Variants in PCDH15 observed in about 807,000 individuals in gnomAD.
PCDH15 encodes protocadherin-15.
Under a neutral mutation model 178.5 loss-of-function variants are expected in PCDH15, and 129 were observed. The ratio of observed to expected loss-of-function variants is 0.72; its 90% CI spans 0.63 to 0.84. The LOEUF (loss-of-function observed/expected upper bound fraction) is 0.84. Among genes scored for constraint, PCDH15 ranks in the 40% least tolerant of loss-of-function variants. The probability of loss-of-function intolerance (pLI) is 0.00; values close to 1 mark genes in which losing one functional copy is unlikely to be tolerated. For synonymous variants in PCDH15, 800 were observed against 732.0 expected (o/e 1.09, Z -1.50); for missense variants, 2,230 against 2,099.9 (o/e 1.06, Z -1.21).
chr10:55,423,812 T>C, intron 2 of PCDH15, among the ~76,000 whole-genome samples: 1 of 152,162 alleles, frequency 6.6e-6, no homozygotes. Context: ...TGTTTTTATA[T>C]TCCAATAACT....
chr10:53,852,939 A>T (rs981492907), intron 28 of PCDH15, among the ~76,000 whole-genome samples: 2 of 151,926 alleles, frequency 1.3e-5, no homozygotes, highest in Non-Finnish European at 1.5e-5. Context: ...ACTATTTGGC[A>T]CCCCGATGGC....
At chr10:55,148,197 A>C (rs1291828483) in intron 2 of PCDH15, among the ~76,000 whole-genome samples, 1 of 151,912 alleles carries the variant, frequency 6.6e-6, no homozygotes, top group African/African-American at 2.4e-5. Flanking sequence ...CATTCTCCCA[A>C]ACAAAATTTC....
chr10:54,535,734 A>T (rs917095854), intron 2 of PCDH15, among the ~76,000 whole-genome samples: 20 of 149,718 alleles, frequency 1.3e-4, no homozygotes, highest in Non-Finnish European at 3.0e-4. Context: ...AAAAAAAAAA[A>T]GAAGTTTAAG....
chr10:55,344,008 T>C (rs2131958077), intron 2 of PCDH15, among the ~76,000 whole-genome samples: 1 of 152,036 alleles, frequency 6.6e-6, no homozygotes, highest in African/African-American at 2.4e-5. Context: ...TAATTTTAGG[T>C]AGGGTGAATG....
chr10:54,782,073 T>C lies in PCDH15; in HGVS notation c.-29+18852A>G, dbSNP rs191120651. ...TTAATAAGCAAAGTTATGAGACAGA[T>C]CTATAAAATAGAATTGAGAAATCTT... On this transcript the variant is annotated intron_variant, in intron 1 of 37. Transcript: ENST00000644397. Among the ~76,000 whole-genome samples, 96 of 152,272 alleles carry C rather than the reference T, an allele frequency of 6.3e-4. 3 individuals are homozygous for C. The highest frequency in any genetic ancestry group is 6.3e-3 in the Admixed American group (96 of 15,278).
chr10:53,867,837 T>G (rs542399249), intron 26 of PCDH15, among the ~76,000 whole-genome samples: 3 of 152,286 alleles, frequency 2.0e-5, no homozygotes, highest in Admixed American at 2.0e-4. Context: ...TGCCATAACA[T>G]AATTCTCTAA....
intron 3 of PCDH15, among the ~76,000 whole-genome samples, chr10:54,866,254 T>C (rs1236616775): frequency 6.6e-6 from 1 of 152,166 alleles, no homozygotes; most frequent in Non-Finnish European, 1.5e-5. Context: ...CTAACACCCA[T>C]TGTTACCACA....
chr10:55,029,419 A>G (rs77994582), intron 2 of PCDH15, among the ~76,000 whole-genome samples: 4,787 of 152,190 alleles, frequency 0.031, 126 homozygotes, highest in East Asian at 0.074. Flanking sequence ...TCAGGTTTAA[A>G]TAAATGATGT....
chr10:55,284,672 C>T (rs538830470), intron 1 of PCDH15, among the ~76,000 whole-genome samples: 70 of 152,108 alleles, frequency 4.6e-4, no homozygotes, highest in African/African-American at 1.6e-3. Context: ...TCTTTACTAT[C>T]CCACTGTTTG....
intron 1 of PCDH15, among the ~76,000 whole-genome samples, chr10:55,303,240 T>C (rs1843333558): frequency 1.3e-5 from 2 of 152,168 alleles, no homozygotes; most frequent in South Asian, 4.1e-4. Flanking sequence ...CTGCATTCTC[T>C]TTGCCCGCAG....
intron 3 of PCDH15, among the ~76,000 whole-genome samples, chr10:54,832,112 A>G (rs74832807): frequency 0.036 from 5,470 of 152,068 alleles, 291 homozygotes; most frequent in African/African-American, 0.12. Flanking sequence ...TTATGTTCCA[A>G]TTCTCTATCT....
chr10:54,493,241 A>C lies in PCDH15; in HGVS notation c.157+34571T>G, dbSNP rs1256744561. 5.9e-5 allele frequency among the ~76,000 whole-genome samples: 9 copies of C among 152,154 alleles called. No individual in the cohort carries two copies. In the East Asian group the frequency reaches 1.7e-3, roughly 30 times the overall value. On this transcript the variant is annotated intron_variant, in intron 3 of 37. Coordinates refer to ENST00000644397, the MANE Select transcript of PCDH15 (RefSeq NM_001384140.1). ...TTCAGTATTATCCATGGTCTTAGGCATCCACTGGGGGTCTTGGGATATATT... is the reference window on the plus strand; with the variant it reads ...TTCAGTATTATCCATGGTCTTAGGCCTCCACTGGGGGTCTTGGGATATATT...
intron 1 of PCDH15, among the ~76,000 whole-genome samples, chr10:55,253,398 T>C (rs566843014): frequency 6.6e-6 from 1 of 152,322 alleles, no homozygotes; most frequent in East Asian, 1.9e-4. Context: ...CTGTATAGTT[T>C]GATTCCTATG....
intron 1 of PCDH15, among the ~76,000 whole-genome samples, chr10:55,192,307 A>G (rs903135308): frequency 2.0e-5 from 3 of 151,844 alleles, no homozygotes; most frequent in Non-Finnish European, 2.9e-5. Flanking sequence ...TTATGAGACT[A>G]TTTATAAAAG....
At chr10:54,527,699 T>C in intron 3 of PCDH15, 113 bp downstream of exon 3, 3 of 718,090 alleles carry the variant, frequency 4.2e-6, no homozygotes, top group Non-Finnish European at 4.4e-6. Context: ...GAATTATCCA[T>C]GGATTTGGGT....
intron 2 of PCDH15, among the ~76,000 whole-genome samples, chr10:54,533,717 T>C (rs765334983): frequency 9.9e-5 from 15 of 152,202 alleles, no homozygotes; most frequent in Admixed American, 1.3e-4. Flanking sequence ...CTGTGGCACC[T>C]AGTAGAGTAT....
chr10:55,414,974 C>T (rs10763201), intron 2 of PCDH15, among the ~76,000 whole-genome samples: 76,302 of 151,346 alleles, frequency 0.5, 20,505 homozygotes, highest in African/African-American at 0.64. Context: ...GTAGAAGTGA[C>T]AAAAATGGGC....
At chr10:54,514,538 T>G (rs980852352) in intron 3 of PCDH15, among the ~76,000 whole-genome samples, 1 of 151,962 alleles carries the variant, frequency 6.6e-6, no homozygotes, top group African/African-American at 2.4e-5. Flanking sequence ...TAGCACACAG[T>G]TAGTTTTTTT....
chr10:55,429,480 G>C (rs1337377115), intron 2 of PCDH15, among the ~76,000 whole-genome samples: 1 of 152,034 alleles, frequency 6.6e-6, no homozygotes, highest in East Asian at 1.9e-4. Flanking sequence ...TCTACAAAAT[G>C]TGTCTTTTTT....
Sources: allele counts gnomAD v4.1 joint callset (sites outside exome capture counted in the v4.1 genomes callset), GRCh38; gene constraint gnomAD v4.1.1; transcripts MANE v1.5; gene names NCBI Gene and HGNC (gene_info 2026-07-23, HGNC 2026-07-21).